The following RXFP1 variants were observed in gnomAD, a reference collection of about 807,000 sequenced individuals.
The protein encoded by RXFP1 is relaxin receptor 1.
Under a neutral mutation model 89.8 loss-of-function variants are expected in RXFP1, and 73 were observed. That is an observed-to-expected ratio of 0.81 (90% CI 0.67 to 0.99). The LOEUF (loss-of-function observed/expected upper bound fraction) is 0.99. Ranked by LOEUF, RXFP1 falls within the 50% of genes least tolerant of loss-of-function variation. RXFP1 has a pLI of 0.00. For synonymous variants in RXFP1, 277 were observed against 305.5 expected (o/e 0.91, Z 0.97); for missense variants, 793 against 895.5 (o/e 0.89, Z 1.46).
At chr4:158,551,556 G>T (rs1021313412) in intron 1 of RXFP1, among the ~76,000 whole-genome samples, 1 of 152,110 alleles carries the variant, frequency 6.6e-6, no homozygotes, top group African/African-American at 2.4e-5. Flanking sequence ...TAATTGGTTT[G>T]ATTTAATCAT....
intron 11 of RXFP1, among the ~76,000 whole-genome samples, chr4:158,632,018 G>A (rs1768135998): frequency 6.6e-6 from 1 of 152,130 alleles, no homozygotes; most frequent in African/African-American, 2.4e-5. Context: ...CTTAAGCCCG[G>A]GAGGTGGAGG....
chr4:158,598,879 G>A (rs1481180795), intron 3 of RXFP1, among the ~76,000 whole-genome samples: 1 of 151,532 alleles, frequency 6.6e-6, no homozygotes, highest in Admixed American at 6.6e-5. Context: ...GTTCTTGCTA[G>A]TTAAAAGTGA....
intron 2 of RXFP1, among the ~76,000 whole-genome samples, chr4:158,575,077 G>A (rs1184447627): frequency 9.2e-5 from 14 of 152,192 alleles, no homozygotes; most frequent in South Asian, 4.1e-4. Context: ...GGAAAGGAAC[G>A]TGGTGGGAGT....
intron 12 of RXFP1, among the ~76,000 whole-genome samples, chr4:158,634,904 G>T (rs1428832282): frequency 1.3e-5 from 2 of 152,034 alleles, no homozygotes; most frequent in African/African-American, 2.4e-5. Context: ...CTGTATTTCA[G>T]CCAGTACCAC....
intron 1 of RXFP1, among the ~76,000 whole-genome samples, chr4:158,566,842 C>G (rs12649106): frequency 6.6e-6 from 1 of 152,110 alleles, no homozygotes; most frequent in African/African-American, 2.4e-5. Flanking sequence ...CCATTCTGGC[C>G]GGGCTTGAGG....
intron 1 of RXFP1, among the ~76,000 whole-genome samples, chr4:158,545,553 G>A (rs1168703551): frequency 2.6e-5 from 4 of 152,088 alleles, no homozygotes; most frequent in Non-Finnish European, 5.9e-5. Context: ...GTATTGCCTA[G>A]GTTTTCTTCT....
At chr4:158,525,295 G>A (rs1188969401) in intron 1 of RXFP1, among the ~76,000 whole-genome samples, 2 of 150,982 alleles carry the variant, frequency 1.3e-5, no homozygotes, top group African/African-American at 4.9e-5. Context: ...TGCCTAGATT[G>A]CATCGTGGTC....
At chr4:158,599,762 A>G (rs1412684760) in intron 4 of RXFP1, among the ~76,000 whole-genome samples, 1 of 152,226 alleles carries the variant, frequency 6.6e-6, no homozygotes, top group African/African-American at 2.4e-5. Context: ...TTCCTATTAT[A>G]TAGAATTTTC....
chr4:158,529,168 G>T (rs1054070098), intron 1 of RXFP1, among the ~76,000 whole-genome samples: 1 of 151,880 alleles, frequency 6.6e-6, no homozygotes, highest in Non-Finnish European at 1.5e-5. Flanking sequence ...TTCCTGATAT[G>T]GTAAAACATA....
chr4:158,636,851 A>G (rs1769271265), intron 12 of RXFP1, among the ~76,000 whole-genome samples: 1 of 152,196 alleles, frequency 6.6e-6, no homozygotes, highest in African/African-American at 2.4e-5. Context: ...TCTTGAACTT[A>G]TTCCTCTTTT....
chr4:158,531,931 GTT>G (rs1744149176), intron 1 of RXFP1, among the ~76,000 whole-genome samples: 1 of 150,890 alleles, frequency 6.6e-6, no homozygotes, highest in African/African-American at 2.5e-5. Context: ...TTGTTTGTTT[GTT>G]TGTTTGTTTG....
intron 1 of RXFP1, among the ~76,000 whole-genome samples, chr4:158,564,087 T>C (rs1753071569): frequency 6.6e-6 from 1 of 152,006 alleles, no homozygotes; most frequent in South Asian, 2.1e-4. Context: ...CTACCCAATT[T>C]ACAGCCTTTA....
In RXFP1 at chr4:158,644,939, T is replaced by G. The variant is rs1232713921; in HGVS notation, c.1146T>G (p.Tyr382Ter). Reference sequence around the variant, plus strand: ...TTAAGAAATTCCAGTACTGTGGGTATGCACCACATGTTCGCAGCTGTAAAC... The same window carrying G: ...TTAAGAAATTCCAGTACTGTGGGTAGGCACCACATGTTCGCAGCTGTAAAC... Reference protein sequence around the residue: ...IYFKKFQYCGYAPHVRSCKPN... With the variant: ...IYFKKFQYCG Residue 382 changes from tyrosine (Y) to a stop codon, truncating the protein, a stop_gained, in exon 15 of 18, where the codon TAT (tyrosine) becomes TAG (stop). Coordinates refer to ENST00000307765, the MANE Select transcript of RXFP1 (RefSeq NM_021634.4). LOFTEE classifies it high-confidence loss of function. The G allele has an allele frequency of 6.2e-7, 1 of 1,613,778 alleles. No homozygotes were observed. The highest frequency in any genetic ancestry group is 1.1e-5 in the South Asian group (1 of 91,076).
chr4:158,651,598 A>G (rs1422764821), intron 17 of RXFP1, among the ~76,000 whole-genome samples, 159 bp from the exon 18 acceptor site: 1 of 152,242 alleles, frequency 6.6e-6, no homozygotes, highest in African/African-American at 2.4e-5. Context: ...CTGGAAAGAT[A>G]TCTTGGAAAC....
intron 1 of RXFP1, among the ~76,000 whole-genome samples, chr4:158,545,203 G>C (rs1255204667): frequency 6.6e-6 from 1 of 151,890 alleles, no homozygotes; most frequent in African/African-American, 2.4e-5. Context: ...GGCCAGTGAT[G>C]ATGAGCATTT....
At chr4:158,592,078 G>A (rs1055864089) in intron 2 of RXFP1, among the ~76,000 whole-genome samples, 2 of 152,254 alleles carry the variant, frequency 1.3e-5, no homozygotes, top group South Asian at 2.1e-4. Context: ...GGAATTTTGT[G>A]AGAAAAGCTT....
At chr4:158,588,225 C>G (rs765849203) in intron 2 of RXFP1, among the ~76,000 whole-genome samples, 1 of 152,068 alleles carries the variant, frequency 6.6e-6, no homozygotes, top group Non-Finnish European at 1.5e-5. Flanking sequence ...AAATGCACTG[C>G]TTTTTCACCC....
In RXFP1 at chr4:158,521,992, G is replaced by A; in HGVS notation, c.16G>A (p.Val6Ile). The A allele has an allele frequency of 6.2e-7, 1 of 1,608,688 alleles. No individual in the cohort carries two copies. Among genetic ancestry groups the A allele is most frequent in the Non-Finnish European group, 8.5e-7 (1 of 1,176,090 alleles). ...ATAGAAGGAAATGACATCTGGTTCT[G>A]TCTTCTTCTACATCTTAATTTTTGG... MTSGS[V>I]FFYILIFGKY... The change falls in exon 1 of 18, where the codon GTC (valine) becomes ATC (isoleucine). Residue 6 changes from valine to isoleucine, a missense_variant. By Grantham distance (29) the Val-to-Ile change is conservative. Coordinates refer to ENST00000307765, the MANE Select transcript of RXFP1 (RefSeq NM_021634.4).
At chr4:158,550,235 A>G (rs1579533751) in intron 1 of RXFP1, among the ~76,000 whole-genome samples, 1 of 152,224 alleles carries the variant, frequency 6.6e-6, no homozygotes, top group Non-Finnish European at 1.5e-5. Flanking sequence ...CTCCGTGGGC[A>G]TAGGACCCTC....
Sources: allele counts gnomAD v4.1 joint callset (sites outside exome capture counted in the v4.1 genomes callset), GRCh38; gene constraint gnomAD v4.1.1; transcripts MANE v1.5; gene names NCBI Gene and HGNC (gene_info 2026-07-23, HGNC 2026-07-21).